ADCY5: variants seen among roughly 807,000 people sequenced by gnomAD.
The protein encoded by ADCY5 is adenylate cyclase 5, also known as adenylate cyclase type 5.
ADCY5 carries 30 observed loss-of-function variants against 119.7 expected under a neutral mutation model. The ratio of observed to expected loss-of-function variants is 0.25; its 90% confidence interval spans 0.19 to 0.34. The LOEUF is 0.34. Ranked by LOEUF, ADCY5 falls within the 10% of genes least tolerant of loss-of-function variation. The pLI is 1.00. For missense variants in ADCY5, 1,324 were observed against 1,775.2 expected, an observed-to-expected ratio of 0.75 and a Z score of 4.57; for synonymous variants, 753 against 762.2, an observed-to-expected ratio of 0.99 and a Z score of 0.20.
chr3:123,397,619 A>G (rs1235043543), intron 1 of ADCY5, among the ~76,000 whole-genome samples: 2 of 152,242 alleles, frequency 1.3e-5, no homozygotes, highest in Non-Finnish European at 2.9e-5. Context: ...CCTGAGTGAC[A>G]GAGAGAGATT....
At chr3:123,405,067 A>G (rs1445979486) in intron 1 of ADCY5, among the ~76,000 whole-genome samples, 2 of 152,250 alleles carry the variant, frequency 1.3e-5, no homozygotes, top group African/African-American at 4.8e-5. Flanking sequence ...AGGGCAGGGC[A>G]GAGGAAAGAG....
At chr3:123,339,931 CT>C (rs1458037927) in intron 3 of ADCY5, among the ~76,000 whole-genome samples, 1 of 152,198 alleles carries the variant, frequency 6.6e-6, no homozygotes, top group Admixed American at 6.5e-5. Context: ...AGTGCTTTTT[CT>C]TCTCCATACT....
chr3:123,392,957 T>A (rs888246466), intron 1 of ADCY5, among the ~76,000 whole-genome samples: 1 of 151,852 alleles, frequency 6.6e-6, no homozygotes, highest in Non-Finnish European at 1.5e-5. Flanking sequence ...CAGAAGGGGG[T>A]CTCTACCACC....
intron 4 of ADCY5, 31 bp downstream of exon 4, chr3:123,332,533 C>G (rs774818583): frequency 3.9e-6 from 6 of 1,543,564 alleles, no homozygotes; most frequent in Non-Finnish European, 5.4e-6. Context: ...CCAGGTCAGG[C>G]CACCCCAACC....
At chr3:123,402,688 A>C (rs1944796192) in intron 1 of ADCY5, among the ~76,000 whole-genome samples, 1 of 152,036 alleles carries the variant, frequency 6.6e-6, no homozygotes, top group Non-Finnish European at 1.5e-5. Flanking sequence ...GTCTCTACTA[A>C]AAATACAAAA....
chr3:123,427,539 A>T (rs1205153157), intron 1 of ADCY5, among the ~76,000 whole-genome samples: 2 of 152,014 alleles, frequency 1.3e-5, no homozygotes, highest in African/African-American at 4.8e-5. Context: ...ATCCCTATTC[A>T]TCCTCTAAGC....
intron 1 of ADCY5, among the ~76,000 whole-genome samples, chr3:123,434,365 C>T (rs970808125): frequency 2.0e-5 from 3 of 152,176 alleles, no homozygotes; most frequent in African/African-American, 7.2e-5. Context: ...CACCCAGGAA[C>T]AGATCCAGTC....
At chr3:123,318,227 A>G in intron 10 of ADCY5, 110 bp from the exon 11 acceptor site, 3 of 760,780 alleles carry the variant, frequency 3.9e-6, no homozygotes, top group Non-Finnish European at 6.7e-6. Context: ...TCACCTGTGC[A>G]GCCCACTCCC....
chr3:123,319,111 T>G (rs1352259368), intron 10 of ADCY5, among the ~76,000 whole-genome samples: 2 of 152,178 alleles, frequency 1.3e-5, no homozygotes, highest in African/African-American at 2.4e-5. Context: ...CCTAGCATTT[T>G]GGGAGACCGA....
chr3:123,370,967 T>C (rs1943617877), intron 1 of ADCY5, among the ~76,000 whole-genome samples: 1 of 152,130 alleles, frequency 6.6e-6, no homozygotes, highest in Admixed American at 6.5e-5. Flanking sequence ...CCAAGAATGG[T>C]TGAAGGCATC....
At chr3:123,314,803 A>G (rs1371991239) in intron 11 of ADCY5, among the ~76,000 whole-genome samples, 4 of 152,132 alleles carry the variant, frequency 2.6e-5, no homozygotes, top group East Asian at 3.9e-4. Context: ...AGAAATGCCT[A>G]TGTCAGCAGC....
chr3:123,438,056 C>T (rs1378292977), intron 1 of ADCY5, among the ~76,000 whole-genome samples: 1 of 152,104 alleles, frequency 6.6e-6, no homozygotes, highest in African/African-American at 2.4e-5. Flanking sequence ...CAAACAAATG[C>T]CCCCATCTAG....
chr3:123,359,790 T>C (rs1011126189), intron 1 of ADCY5, among the ~76,000 whole-genome samples: 1 of 152,190 alleles, frequency 6.6e-6, no homozygotes, highest in South Asian at 2.1e-4. Flanking sequence ...CTTCCTGTTC[T>C]AGTCCTTTGT....
chr3:123,407,089 G>A lies in ADCY5; in HGVS notation c.1134+40323C>T, dbSNP rs1006002994. Among the ~76,000 whole-genome samples, 4 of 152,068 alleles carry A rather than the reference G, an allele frequency of 2.6e-5. No individual in the cohort carries two copies. In the South Asian group the frequency reaches 6.3e-4, roughly 24 times the overall value. On this transcript the variant is annotated intron_variant, in intron 1 of 20. Transcript: ENST00000462833. ...CTGGCTGCTCCTCTATTCTAGGAAC[G>A]TGATACCCCCTCAGCTGCCCCTCCT...
At chr3:123,405,861 C>T (rs2107616092) in intron 1 of ADCY5, among the ~76,000 whole-genome samples, 1 of 152,288 alleles carries the variant, frequency 6.6e-6, no homozygotes, top group African/African-American at 2.4e-5. Context: ...TCTAAAACTA[C>T]TGGCCTCAAG....
At chr3:123,390,979 A>C (rs1159649197) in intron 1 of ADCY5, among the ~76,000 whole-genome samples, 1 of 152,064 alleles carries the variant, frequency 6.6e-6, no homozygotes, top group Non-Finnish European at 1.5e-5. Flanking sequence ...ACTTTGGAAA[A>C]CCAGAAGCCA....
At chr3:123,343,810 T>G (rs9814758) in intron 3 of ADCY5, among the ~76,000 whole-genome samples, 38,089 of 152,096 alleles carry the variant, frequency 0.25, 6,024 homozygotes, top group Non-Finnish European at 0.36. Flanking sequence ...AAGCCACTGG[T>G]GGACATCCCA....
Position 123,325,354 on chromosome 3 carries a change from C to A in ADCY5, c.2056G>T (p.Gly686Cys). 6.2e-7 allele frequency: 1 copy of A among 1,614,138 alleles called. No individual in the cohort carries two copies. Among genetic ancestry groups the A allele is most frequent in the South Asian group, 1.1e-5 (1 of 91,084 alleles). ...AERPFYNHLG[G>C]NQVSKEMKRM... ...TTCATCTCCTTGGACACCTGGTTGC[C>A]ACCCAGGTGGTTGTAGAAGGGGCGC... is the stretch of plus-strand genomic sequence containing the variant. The change falls in exon 8 of 21, where the codon GGC (glycine) becomes TGC (cysteine). Residue 686 changes from glycine (G) to cysteine (C), a missense_variant. By Grantham distance (159) the Gly-to-Cys change is radical. Around this residue, in one of 6 missense-constraint regions of ADCY5, gnomAD observed 424 missense variants for 546.8 expected, o/e 0.78. Coordinates refer to ENST00000462833, the MANE Select transcript of ADCY5 (RefSeq NM_183357.3).
At chr3:123,376,980 T>C (rs760833955) in intron 1 of ADCY5, among the ~76,000 whole-genome samples, 1 of 152,128 alleles carries the variant, frequency 6.6e-6, no homozygotes, top group African/African-American at 2.4e-5. Context: ...AGCCAAACAA[T>C]GAGGAGATGT....
Sources: gnomAD v4.1 joint callset for allele counts (sites outside exome capture counted in the v4.1 genomes callset) on GRCh38, gnomAD v4.1.1 for gene constraint, gnomAD v4.1.1 regional missense constraint, MANE v1.5 for transcripts, NCBI Gene and HGNC (gene_info 2026-07-23, HGNC 2026-07-21) for gene names.